The following IMPG1 variants were observed in gnomAD, a reference collection of about 807,000 sequenced individuals.
The protein encoded by IMPG1 is interphotoreceptor matrix proteoglycan 1.
IMPG1 carries 85 observed loss-of-function variants against 92.0 expected under a neutral mutation model. That is an observed-to-expected ratio of 0.92 (90% CI 0.78 to 1.11). The LOEUF is 1.11. Ranked by LOEUF, IMPG1 falls within the 50% of genes least tolerant of loss-of-function variation. The pLI is 0.00. For missense variants in IMPG1, 1,022 were observed against 956.0 expected (o/e 1.07, Z -0.91); for synonymous variants, 367 against 334.1 (o/e 1.10, Z -1.08).
intron 12 of IMPG1, among the ~76,000 whole-genome samples, chr6:75,954,602 A>T (rs1473976795): frequency 6.6e-6 from 1 of 152,156 alleles, no homozygotes; most frequent in Non-Finnish European, 1.5e-5. Context: ...TGCTGTGCAG[A>T]AGCTCCTTAG....
chr6:76,071,030 A>G (rs1036741144), intron 1 of IMPG1, among the ~76,000 whole-genome samples: 1 of 151,610 alleles, frequency 6.6e-6, no homozygotes, highest in African/African-American at 2.4e-5. Flanking sequence ...ATTGTTTCCT[A>G]GAAGTAAGCA....
At chr6:76,014,645 G>C (rs1291831467) in intron 7 of IMPG1, among the ~76,000 whole-genome samples, 1 of 152,186 alleles carries the variant, frequency 6.6e-6, no homozygotes, top group Non-Finnish European at 1.5e-5. Flanking sequence ...AGCAGATTCA[G>C]ATCCTGAATC....
intron 8 of IMPG1, 27 bp from the exon 9 acceptor site, chr6:76,007,527 C>T (rs1582100380): frequency 6.4e-7 from 1 of 1,552,434 alleles, no homozygotes; most frequent in Non-Finnish European, 8.7e-7. Context: ...ACAATGGAAA[C>T]ATGAAAAAGA....
At chr6:75,964,881 C>T (rs907844438) in intron 12 of IMPG1, among the ~76,000 whole-genome samples, 11 of 152,048 alleles carry the variant, frequency 7.2e-5, no homozygotes, top group African/African-American at 2.4e-4. Context: ...CCACCCATAC[C>T]CTTCTTAACA....
At chr6:76,026,188 T>C (rs1303215921) in intron 4 of IMPG1, among the ~76,000 whole-genome samples, 2 of 152,158 alleles carry the variant, frequency 1.3e-5, no homozygotes, top group Admixed American at 6.5e-5. Context: ...TTTCACCCAA[T>C]AAAACCCTGC....
At chr6:75,954,134 G>A (rs1246258503) in intron 12 of IMPG1, among the ~76,000 whole-genome samples, 1 of 152,132 alleles carries the variant, frequency 6.6e-6, no homozygotes, top group Non-Finnish European at 1.5e-5. Context: ...ACCCAGTAAT[G>A]GGATTGCTGG....
At chr6:75,968,337 C>T (rs1404867389) in intron 12 of IMPG1, among the ~76,000 whole-genome samples, 1 of 152,036 alleles carries the variant, frequency 6.6e-6, no homozygotes, top group African/African-American at 2.4e-5. Context: ...TAAGAAAATA[C>T]TTATCTGCAA....
At chr6:76,038,852 A>G (rs945991990) in intron 2 of IMPG1, among the ~76,000 whole-genome samples, 1 of 152,196 alleles carries the variant, frequency 6.6e-6, no homozygotes, top group Non-Finnish European at 1.5e-5. Flanking sequence ...GGGAGCACAT[A>G]CCCTGGAGGC....
chr6:76,058,927 T>G (rs1784162157), intron 1 of IMPG1, among the ~76,000 whole-genome samples: 1 of 152,172 alleles, frequency 6.6e-6, no homozygotes, highest in African/African-American at 2.4e-5. Flanking sequence ...GCAAGATTTC[T>G]ATTGTACCAT....
intron 1 of IMPG1, among the ~76,000 whole-genome samples, chr6:76,057,948 T>C (rs1377671126): frequency 6.6e-6 from 1 of 151,270 alleles, no homozygotes; most frequent in African/African-American, 2.4e-5. Flanking sequence ...TATCTTTTTC[T>C]AAATAAAGGT....
At position 76,041,937 on chromosome 6, in the gene IMPG1, A is replaced by G; in HGVS notation, c.257T>C (p.Met86Thr). The G allele has an allele frequency of 9.3e-6, 15 of 1,613,874 alleles. No individual in the cohort carries two copies. Among genetic ancestry groups the G allele is most frequent in the Non-Finnish European group, 1.2e-5 (14 of 1,179,776 alleles). ...TTGAAGACTGTCTAAAATCTGTTTCATGGATTCCTGTGGACAGACTTTAAC... is the reference window on the plus strand; with the variant it reads ...TTGAAGACTGTCTAAAATCTGTTTCGTGGATTCCTGTGGACAGACTTTAAC... Reference protein sequence around the residue: ...TGVKVCPQESMKQILDSLQAY... With the variant: ...TGVKVCPQESTKQILDSLQAY... Residue 86 changes from methionine (M) to threonine (T), a missense_variant, in exon 2 of 17, where the codon ATG becomes ACG. Coordinates refer to ENST00000369950, the MANE Select transcript of IMPG1 (RefSeq NM_001563.4).
At chr6:75,980,810 G>T (rs1244909797) in intron 12 of IMPG1, among the ~76,000 whole-genome samples, 2 of 152,126 alleles carry the variant, frequency 1.3e-5, no homozygotes, top group Non-Finnish European at 2.9e-5. Context: ...GCGATCATGT[G>T]AGCCAATTCT....
chr6:75,960,202 A>G (rs895531161), intron 12 of IMPG1, among the ~76,000 whole-genome samples: 2 of 152,010 alleles, frequency 1.3e-5, no homozygotes, highest in African/African-American at 2.4e-5. Flanking sequence ...GGCTGCACCC[A>G]CTGTCTAACC....
intron 12 of IMPG1, among the ~76,000 whole-genome samples, chr6:75,957,501 G>A (rs1782147303): frequency 6.6e-6 from 1 of 152,184 alleles, no homozygotes; most frequent in African/African-American, 2.4e-5. Flanking sequence ...AATATAGATA[G>A]TGGGGTGTTA....
chr6:75,994,248 A>G (rs1782861816), intron 12 of IMPG1, among the ~76,000 whole-genome samples: 1 of 152,230 alleles, frequency 6.6e-6, no homozygotes, highest in African/African-American at 2.4e-5. Context: ...GTGTAGGAGG[A>G]CAAAGCATGC....
At chr6:75,976,969 T>C (rs971754079) in intron 12 of IMPG1, among the ~76,000 whole-genome samples, 2 of 151,768 alleles carry the variant, frequency 1.3e-5, no homozygotes, top group African/African-American at 4.8e-5. Flanking sequence ...AAGTAGGACC[T>C]CAGGAGAGGG....
Position 76,011,233 on chromosome 6 carries a change from A to G in IMPG1, c.808-9T>C. 1 of 1,488,242 alleles carries G rather than the reference A, an allele frequency of 6.7e-7. No homozygotes were observed. The highest frequency in any genetic ancestry group is 9.4e-7 in the Non-Finnish European group (1 of 1,068,414). 92.2% of individuals were successfully genotyped at this position (1,488,242 alleles called of 1,614,324 possible). On this transcript the variant is annotated splice_polypyrimidine_tract_variant and intron_variant, in intron 7 of 16. Transcript: ENST00000369950. Reference sequence around the variant, plus strand: ...TTAAATATCTTTTGCATCTGCAGAGAGAAAGAAATTTGTAAAATACTCTTT... The same window carrying G: ...TTAAATATCTTTTGCATCTGCAGAGGGAAAGAAATTTGTAAAATACTCTTT...
intron 14 of IMPG1, among the ~76,000 whole-genome samples, chr6:75,938,578 C>T (rs1419149023): frequency 6.6e-6 from 1 of 152,060 alleles, no homozygotes; most frequent in Non-Finnish European, 1.5e-5. Context: ...TTTTGGAGGC[C>T]AAGGCAGGTG....
chr6:75,997,399 T>G (rs1487159422), intron 12 of IMPG1, among the ~76,000 whole-genome samples: 1 of 152,210 alleles, frequency 6.6e-6, no homozygotes, highest in Admixed American at 6.5e-5. Flanking sequence ...TTAAATAACA[T>G]CTTTGCCAAG....
Sources: allele counts gnomAD v4.1 joint callset (sites outside exome capture counted in the v4.1 genomes callset), GRCh38; gene constraint gnomAD v4.1.1; transcripts MANE v1.5; gene names NCBI Gene and HGNC (gene_info 2026-07-23, HGNC 2026-07-21).